The following DPY19L3 variants were observed in gnomAD, a reference collection of about 807,000 sequenced individuals.
DPY19L3 encodes the protein dpy-19 like C-mannosyltransferase 3, also known as protein C-mannosyl-transferase DPY19L3.
A neutral mutation model predicts 92.3 loss-of-function variants in DPY19L3; 51 were observed. The observed-to-expected ratio is 0.55, with a 90% CI of 0.44 to 0.70. DPY19L3 has a LOEUF of 0.70. DPY19L3 is among the 30% of genes least tolerant of loss of function. The probability of loss-of-function intolerance (pLI) is 0.00; values close to 1 mark genes in which losing one functional copy is unlikely to be tolerated. For missense variants in DPY19L3, 706 were observed against 855.9 expected, an observed-to-expected ratio of 0.82 and a Z score of 2.18; for synonymous variants, 309 against 315.2, an observed-to-expected ratio of 0.98 and a Z score of 0.21.
At chr19:32,449,787 G>C (rs1021390474) in intron 8 of DPY19L3, among the ~76,000 whole-genome samples, 1 of 152,168 alleles carries the variant, frequency 6.6e-6, no homozygotes, top group Non-Finnish European at 1.5e-5. Context: ...ACAGACCTAA[G>C]TGTAAGAGCT....
At chr19:32,464,016 C>T in intron 14 of DPY19L3, 36 bp downstream of exon 14, 1 of 1,443,176 alleles carries the variant, frequency 6.9e-7, no homozygotes, top group South Asian at 1.2e-5. Context: ...CCTTTTATGA[C>T]TTGCAGTATT....
intron 3 of DPY19L3, among the ~76,000 whole-genome samples, chr19:32,430,789 T>C (rs1968937164): frequency 1.8e-5 from 2 of 113,936 alleles, no homozygotes; most frequent in South Asian, 3.0e-4. Flanking sequence ...TATGCCTGGC[T>C]ACTTTTTTTT....
intron 17 of DPY19L3, among the ~76,000 whole-genome samples, chr19:32,479,798 G>A (rs1009441417): frequency 1.4e-4 from 22 of 152,234 alleles, no homozygotes; most frequent in Non-Finnish European, 2.9e-4. Flanking sequence ...TGCCCACGGT[G>A]TGCTGCAAGT....
chr19:32,438,833 T>TA (rs907642597), intron 6 of DPY19L3: 4 of 285,078 alleles, frequency 1.4e-5, no homozygotes, highest in Middle Eastern at 2.1e-3. Context: ...TTTGGCATGA[T>TA]ACATTTGTGA....
chr19:32,435,090 C>A (rs1969094870), intron 4 of DPY19L3, among the ~76,000 whole-genome samples: 1 of 151,854 alleles, frequency 6.6e-6, no homozygotes, highest in Non-Finnish European at 1.5e-5. Flanking sequence ...TCTATTGAGG[C>A]CTCTCTTCCT....
At chr19:32,448,448 C>G (rs1969589139) in intron 8 of DPY19L3, among the ~76,000 whole-genome samples, 1 of 152,112 alleles carries the variant, frequency 6.6e-6, no homozygotes, top group Admixed American at 6.6e-5. Context: ...TTTTGACTCC[C>G]CAAAAACTCA....
chr19:32,446,758 A>G (rs1331545067), intron 8 of DPY19L3, among the ~76,000 whole-genome samples: 1 of 152,232 alleles, frequency 6.6e-6, no homozygotes, highest in Non-Finnish European at 1.5e-5. Flanking sequence ...AGAAAAATTC[A>G]CAATCGCAGT....
chr19:32,423,128 C>T (rs12610210), intron 3 of DPY19L3, among the ~76,000 whole-genome samples: 21,352 of 152,012 alleles, frequency 0.14, 1,934 homozygotes, highest in East Asian at 0.45. Flanking sequence ...CTCAGTGGGG[C>T]TCAAATTTAT....
chr19:32,419,740 T>C (rs141556753), intron 3 of DPY19L3, among the ~76,000 whole-genome samples: 1 of 152,194 alleles, frequency 6.6e-6, no homozygotes, highest in Non-Finnish European at 1.5e-5. Flanking sequence ...GACCTACATA[T>C]TCTGTTTAAG....
At chr19:32,475,115 C>T (rs1027185504) in intron 16 of DPY19L3, among the ~76,000 whole-genome samples, 6 of 152,162 alleles carry the variant, frequency 3.9e-5, no homozygotes, top group African/African-American at 1.4e-4. Flanking sequence ...GATAACAAGG[C>T]CTGTCATCTC....
At chr19:32,414,848 C>T (rs1291432318) in intron 3 of DPY19L3, among the ~76,000 whole-genome samples, 2 of 152,126 alleles carry the variant, frequency 1.3e-5, no homozygotes, top group East Asian at 1.9e-4. Context: ...AAATACACCC[C>T]ATCATCAAGA....
At chr19:32,433,494 T>C (rs1969036173) in intron 4 of DPY19L3, among the ~76,000 whole-genome samples, 1 of 152,242 alleles carries the variant, frequency 6.6e-6, no homozygotes, top group South Asian at 2.1e-4. Context: ...CATAGCTCGC[T>C]GTAGTCTCAA....
rs923298047 is a variant in DPY19L3 at position 32,453,193 on chromosome 19, A to G, written c.904A>G (p.Ile302Val). The change falls in exon 9 of 19, where the codon ATT becomes GTT. Residue 302 changes from isoleucine (I) to valine (V), a missense_variant. Physicochemically the swap from Ile to Val is conservative, Grantham distance 29 (BLOSUM62 3). Transcript: ENST00000392250. Reference protein sequence around the residue: ...IQITSLLLVCILQFFNSMILG... With the variant: ...IQITSLLLVCVLQFFNSMILG... ...GATAACAAGTTTACTCCTGGTCTGCATTCTTCAGTTTTTTAATTCCATGAT... is the reference window on the plus strand; with the variant it reads ...GATAACAAGTTTACTCCTGGTCTGCGTTCTTCAGTTTTTTAATTCCATGAT... 39 of 1,614,026 alleles carry G rather than the reference A, an allele frequency of 2.4e-5. No individual in the cohort carries two copies. The highest frequency in any genetic ancestry group is 3.2e-5 in the Non-Finnish European group (38 of 1,180,010).
intron 6 of DPY19L3, 151 bp downstream of exon 6, chr19:32,437,490 T>C: frequency 1.2e-6 from 1 of 864,066 alleles, no homozygotes; most frequent in Non-Finnish European, 1.7e-6. Flanking sequence ...TCAATTTTTC[T>C]TATTTAGTTA....
chr19:32,456,716 G>A (rs978442821), intron 10 of DPY19L3, among the ~76,000 whole-genome samples: 1 of 152,044 alleles, frequency 6.6e-6, no homozygotes, highest in Non-Finnish European at 1.5e-5. Flanking sequence ...TTACAGACAC[G>A]AGCTGCTGCA....
At chr19:32,431,169 C>T (rs1968953729) in intron 3 of DPY19L3, among the ~76,000 whole-genome samples, 1 of 152,014 alleles carries the variant, frequency 6.6e-6, no homozygotes, top group Admixed American at 6.6e-5. Context: ...CACCTGAGGT[C>T]GGGAGTTCAA....
At chr19:32,472,548 T>C (rs1970389403) in intron 16 of DPY19L3, among the ~76,000 whole-genome samples, 1 of 121,294 alleles carries the variant, frequency 8.2e-6, no homozygotes, top group African/African-American at 3.3e-5. Flanking sequence ...TTTTTTTTTT[T>C]GCCTTCTGGT....
chr19:32,460,427 T>G (rs1970001060), intron 12 of DPY19L3, among the ~76,000 whole-genome samples: 1 of 152,120 alleles, frequency 6.6e-6, no homozygotes, highest in Non-Finnish European at 1.5e-5. Flanking sequence ...TAAAAAATAC[T>G]GTAATAAAAG....
At position 32,460,827 on chromosome 19, in the gene DPY19L3, G is replaced by A. The variant is rs962640033; in HGVS notation, c.1322+2318G>A. On this transcript the variant is annotated intron_variant, in intron 12 of 18. Transcript: ENST00000392250. The stretch of plus-strand genomic sequence containing the variant: ...AGTATTTCTACCTTTTTAGTACTAG[G>A]AAGGATGATACTATGACTTGTTTTG... Among the ~76,000 whole-genome samples the A allele has an allele frequency of 8.6e-5, 13 of 150,464 alleles. No homozygotes were observed. In the Admixed American group the frequency reaches 8.7e-4, roughly 10 times the overall value.
Sources: allele counts gnomAD v4.1 joint callset (sites outside exome capture counted in the v4.1 genomes callset), GRCh38; gene constraint gnomAD v4.1.1; transcripts MANE v1.5; gene names NCBI Gene and HGNC (gene_info 2026-07-23, HGNC 2026-07-21).